NSD1: variants seen among roughly 807,000 people sequenced by gnomAD.
The protein encoded by NSD1 is nuclear receptor binding SET domain protein 1.
A neutral mutation model predicts 242.7 loss-of-function variants in NSD1; 26 were observed. That is an observed-to-expected ratio of 0.11 (90% CI 0.08 to 0.15). The LOEUF (loss-of-function observed/expected upper bound fraction) is 0.15. Among genes scored for constraint, NSD1 ranks in the 10% least tolerant of loss-of-function variants. The probability of loss-of-function intolerance (pLI) is 1.00; values close to 1 mark genes in which losing one functional copy is unlikely to be tolerated. For missense variants in NSD1, 2,495 were observed against 3,272.8 expected (o/e 0.76, Z 5.80); for synonymous variants, 1,106 against 1,178.1 (o/e 0.94, Z 1.25).
intron 19 of NSD1, 139 bp from the exon 20 acceptor site, chr5:177,283,648 C>T (rs1193724739): frequency 9.1e-6 from 9 of 993,080 alleles, no homozygotes; most frequent in East Asian, 4.9e-5. Context: ...CTTTGAGAAC[C>T]AAAGTTCTTT....
chr5:177,199,151 G>C (rs142587283), intron 3 of NSD1, among the ~76,000 whole-genome samples: 69 of 152,366 alleles, frequency 4.5e-4, no homozygotes, highest in African/African-American at 1.6e-3. Flanking sequence ...ATATTCAGCA[G>C]TTAATTTTAA....
At chr5:177,226,524 G>T (rs898212495) in intron 5 of NSD1, among the ~76,000 whole-genome samples, 13 of 152,034 alleles carry the variant, frequency 8.6e-5, no homozygotes, top group African/African-American at 3.1e-4. Context: ...TTGCTGTTTT[G>T]CCCAAGCCTG....
chr5:177,170,304 G>C (rs755964683), intron 2 of NSD1, among the ~76,000 whole-genome samples: 1 of 151,036 alleles, frequency 6.6e-6, no homozygotes, highest in Non-Finnish European at 1.5e-5. Flanking sequence ...TTCTTTTTTT[G>C]GTGGGAGTCA....
At chr5:177,220,485 G>T (rs1254145243) in intron 5 of NSD1, among the ~76,000 whole-genome samples, 7 of 145,326 alleles carry the variant, frequency 4.8e-5, no homozygotes, top group African/African-American at 1.8e-4. Flanking sequence ...GTACCTAATT[G>T]TATAATGGTT....
chr5:177,287,012 A>C (rs1018235544), intron 20 of NSD1, among the ~76,000 whole-genome samples: 1 of 152,290 alleles, frequency 6.6e-6, no homozygotes, highest in Admixed American at 6.5e-5. Context: ...CCCTTCACAT[A>C]CCTGCAACTT....
intron 16 of NSD1, 43 bp from the exon 17 acceptor site, chr5:177,273,629 C>A: frequency 7.1e-7 from 1 of 1,407,448 alleles, no homozygotes; most frequent in Non-Finnish European, 1.0e-6. Flanking sequence ...TAAGTAATTC[C>A]ACCCAGAGAT....
At chr5:177,204,990 T>A (rs1242506285) in intron 4 of NSD1, among the ~76,000 whole-genome samples, 1 of 152,184 alleles carries the variant, frequency 6.6e-6, no homozygotes, top group Non-Finnish European at 1.5e-5. Context: ...TCTTGCCACT[T>A]GGACTAATTA....
intron 16 of NSD1, among the ~76,000 whole-genome samples, chr5:177,270,869 TA>T (rs1343272757): frequency 5.3e-5 from 8 of 152,336 alleles, no homozygotes; most frequent in African/African-American, 1.9e-4. Context: ...TTTCTGTACA[TA>T]GATATGGGCT....
In NSD1 at chr5:177,244,281, T is replaced by A; in HGVS notation, c.4378+11T>A. On this transcript the variant is annotated intron_variant, in intron 9 of 22. Transcript: ENST00000439151. ...AAGATTTTGGTGGAGGTGAGTATTTTTGAGATTTAAAAAACGTAATGCAGT... is the reference window on the plus strand; with the variant it reads ...AAGATTTTGGTGGAGGTGAGTATTTATGAGATTTAAAAAACGTAATGCAGT... 1 of 1,600,434 alleles carries A rather than the reference T, an allele frequency of 6.2e-7. No individual in the cohort carries two copies. The highest frequency in any genetic ancestry group is 8.6e-7 in the Non-Finnish European group (1 of 1,167,918).
chr5:177,268,445 G>A (rs868424385), intron 15 of NSD1, among the ~76,000 whole-genome samples: 6 of 151,690 alleles, frequency 4.0e-5, no homozygotes, highest in Non-Finnish European at 7.4e-5. Flanking sequence ...ACCACGTTGT[G>A]CACATGTACC....
intron 17 of NSD1, among the ~76,000 whole-genome samples, chr5:177,279,609 AATTTTTTTTTTT>A (rs1758683564): frequency 1.9e-5 from 2 of 107,790 alleles, no homozygotes; most frequent in African/African-American, 7.7e-5. Flanking sequence ...CAGCTTTGAA[AATTTTTTTTTTT>A]TTTTTTTTTT....
rs188093090 is a variant in NSD1 at position 177,180,414 on chromosome 5, G to A, written c.928-11470G>A. ...AGCCACTGCACCTGGCCTACTCACC[G>A]TTTCAATGAATGTCATACCTTGGTA... On this transcript the variant is annotated intron_variant, in intron 2 of 22. Transcript: ENST00000439151. 2.6e-3 allele frequency among the ~76,000 whole-genome samples: 400 copies of A among 151,564 alleles called. 3 individuals carry two copies. Among genetic ancestry groups the A allele is most frequent in the African/African-American group, 9.2e-3 (381 of 41,334 alleles).
intron 9 of NSD1, among the ~76,000 whole-genome samples, chr5:177,246,448 A>G (rs765526377): frequency 4.6e-5 from 7 of 152,190 alleles, no homozygotes; most frequent in East Asian, 1.9e-4. Context: ...GTAATAACCT[A>G]TACACTTACT....
At chr5:177,248,155 G>A (rs1766444175) in intron 10 of NSD1, 26 bp from the exon 11 acceptor site, 5 of 1,613,330 alleles carry the variant, frequency 3.1e-6, no homozygotes, top group Non-Finnish European at 3.4e-6. Context: ...TAATACAGAT[G>A]TGGGACATTA....
chr5:177,214,858 C>T (rs1763644615), intron 5 of NSD1, among the ~76,000 whole-genome samples: 1 of 151,898 alleles, frequency 6.6e-6, no homozygotes, highest in Admixed American at 6.6e-5. Flanking sequence ...TGCCACCATG[C>T]CTGGCTAATT....
rs558467440 is a variant in NSD1, at chr5:177,198,958, C to T, written c.1064-5162C>T. Among the ~76,000 whole-genome samples the T allele has an allele frequency of 4.6e-5, 7 of 152,320 alleles. No homozygotes were observed. The East Asian group carries it at 7.7e-4, about 17-fold the overall frequency. ...CCTTAAGCAACCACTAATGTACTTTCTGTTTCTGTGGATTTGCATATTCTA... is the reference window on the plus strand; with the variant it reads ...CCTTAAGCAACCACTAATGTACTTTTTGTTTCTGTGGATTTGCATATTCTA... On this transcript the variant is annotated intron_variant, in intron 3 of 22. Transcript: ENST00000439151.
chr5:177,135,038 G>T (rs1052739567), intron 1 of NSD1, 49 bp from the exon 2 acceptor site: 2 of 1,514,626 alleles, frequency 1.3e-6, no homozygotes, highest in African/African-American at 2.7e-5. Context: ...AAAGAGTCGA[G>T]TCAGATGGCC....
chr5:177,221,779 A>G (rs1019531148), intron 5 of NSD1, among the ~76,000 whole-genome samples: 1 of 150,932 alleles, frequency 6.6e-6, no homozygotes, highest in Non-Finnish European at 1.5e-5. Context: ...TGTAAAACTC[A>G]TATTTCCCCT....
chr5:177,149,952 T>A (rs1757566017), intron 2 of NSD1, among the ~76,000 whole-genome samples: 1 of 152,006 alleles, frequency 6.6e-6, no homozygotes, highest in Admixed American at 6.6e-5. Context: ...TTCTTTTCTT[T>A]TTTTGAGACA....
Sources: allele counts gnomAD v4.1 joint callset (sites outside exome capture counted in the v4.1 genomes callset), GRCh38; gene constraint gnomAD v4.1.1; transcripts MANE v1.5; gene names NCBI Gene and HGNC (gene_info 2026-07-23, HGNC 2026-07-21).